The following RAP1GAP variants were observed in gnomAD, a reference collection of about 807,000 sequenced individuals.
The protein encoded by RAP1GAP is RAP1 GTPase activating protein, also known as rap1 GTPase-activating protein 1.
RAP1GAP carries 35 observed loss-of-function variants against 87.2 expected under a neutral mutation model. The observed-to-expected ratio is 0.40, with a 90% confidence interval of 0.31 to 0.53. The LOEUF is 0.53. Ranked by LOEUF, RAP1GAP falls within the 20% of genes least tolerant of loss-of-function variation. The probability of loss-of-function intolerance (pLI) is 0.48; values close to 1 mark genes in which losing one functional copy is unlikely to be tolerated. For missense variants in RAP1GAP, 734 were observed against 898.9 expected (o/e 0.82, Z 2.35); for synonymous variants, 375 against 363.9 (o/e 1.03, Z -0.35).
intron 2 of RAP1GAP, among the ~76,000 whole-genome samples, chr1:21,647,782 G>A (rs151049182): frequency 8.5e-5 from 13 of 152,296 alleles, no homozygotes; most frequent in African/African-American, 2.9e-4. Flanking sequence ...TTCTAAAGAG[G>A]GAATGGGGGT....
rs367660488 is a variant in RAP1GAP, at chr1:21,603,815, G to A, written c.1429-902C>T. 7.5e-6 allele frequency: 12 copies of A among 1,608,420 alleles called. No homozygotes were observed. Among genetic ancestry groups the A allele is most frequent in the Non-Finnish European group, 1.0e-5 (12 of 1,176,044 alleles). On this transcript the variant is annotated intron_variant, in intron 18 of 24. Coordinates refer to ENST00000374765, the MANE Select transcript of RAP1GAP (RefSeq NM_002885.4). The surrounding 1 kb of genome is among the most constrained non-coding windows in gnomAD (Gnocchi z 6.0). The stretch of plus-strand genomic sequence containing the variant: ...CGCGTGCAGGCAGCCTCCAGAGCCG[G>A]CGGCCCCGCGGACGACAACCTCTTC...
rs762569918 is a variant in RAP1GAP, at chr1:21,606,089, C to T, written c.1405G>A (p.Asp469Asn). Reference sequence around the variant, plus strand: ...ACTATTCCAGCCGCCTTGGCCAGGTCGGGGTTGTTGGGCGCGAAGCTCCCG... The same window carrying T: ...ACTATTCCAGCCGCCTTGGCCAGGTTGGGGTTGTTGGGCGCGAAGCTCCCG... ...HSGSFAPNNP[D>N]LAKAAGISLI... The change falls in exon 18 of 25, where the codon GAC (aspartate) becomes AAC (asparagine). Residue 469 changes from aspartate (D) to asparagine (N), a missense_variant. Physicochemically the swap from Asp to Asn is conservative, Grantham distance 23 (BLOSUM62 1). Coordinates refer to ENST00000374765, the MANE Select transcript of RAP1GAP (RefSeq NM_002885.4). The T allele has an allele frequency of 6.9e-6, 11 of 1,586,898 alleles. No individual in the cohort carries two copies. Among genetic ancestry groups the T allele is most frequent in the Admixed American group, 3.6e-5 (2 of 55,578 alleles).
intron 3 of RAP1GAP, among the ~76,000 whole-genome samples, chr1:21,623,199 G>T (rs1479674524): frequency 2.0e-5 from 3 of 152,232 alleles, no homozygotes; most frequent in African/African-American, 7.2e-5. Context: ...CAGGCCCGTG[G>T]TATGGAGGAA....
Position 21,622,190 on chromosome 1 carries a change from G to A in RAP1GAP, c.-18-2140C>T. On this transcript the variant is annotated intron_variant, in intron 3 of 24. Transcript: ENST00000374765. The surrounding 1 kb of genome is among the most constrained non-coding windows in gnomAD (Gnocchi z 5.7). ...ACCCCAGGGTAGGGGTGCGCCCCGT[G>A]GCCAGTGTCAGCCCAGAAGCTCACA... is the stretch of plus-strand genomic sequence containing the variant. 3.2e-6 allele frequency: 1 copy of A among 312,962 alleles called. No homozygotes were observed. The allele number at this position is 312,962 out of a possible 1,614,324, so 19.4% of individuals were successfully genotyped here. A position where few individuals can be genotyped will look rare whatever the true frequency, so the allele number is the denominator to read the frequency against.
chr1:21,648,933 G>A (rs930966455), intron 2 of RAP1GAP, among the ~76,000 whole-genome samples: 1 of 152,148 alleles, frequency 6.6e-6, no homozygotes, highest in Non-Finnish European at 1.5e-5. Context: ...GATGGGAGTC[G>A]CCCAGCAGCT....
chr1:21,606,267 C>G, intron 17 of RAP1GAP, 70 bp from the exon 18 acceptor site: 1 of 1,524,776 alleles, frequency 6.6e-7, no homozygotes, highest in Non-Finnish European at 8.8e-7. Context: ...AACCCAGGAG[C>G]CCAGGCATCT....
chr1:21,657,711 C>T (rs1292422966), intron 1 of RAP1GAP, among the ~76,000 whole-genome samples: 1 of 152,226 alleles, frequency 6.6e-6, no homozygotes, highest in East Asian at 1.9e-4. Context: ...CCTCAGGAAG[C>T]TGGGCTGGCG....
chr1:21,601,742 G>T lies in RAP1GAP; in HGVS notation c.1594C>A (p.Pro532Thr). Residue 532 changes from proline to threonine, a missense_variant, in exon 20 of 25, where the codon CCC becomes ACC. This residue lies in a region of RAP1GAP where 249 missense variants were observed against 252.7 expected (regional missense o/e 0.99). Coordinates refer to ENST00000374765, the MANE Select transcript of RAP1GAP (RefSeq NM_002885.4). ...TPDSGHVSQE[P>T]KSENSSTQSS... ...TGAGTGGATGAGTTCTCCGACTTGGGCTCCTGTGAGACGTGCCCGCTGTCT... is the reference window on the plus strand; with the variant it reads ...TGAGTGGATGAGTTCTCCGACTTGGTCTCCTGTGAGACGTGCCCGCTGTCT... The T allele has an allele frequency of 6.2e-7, 1 of 1,612,032 alleles. No individual in the cohort carries two copies.
chr1:21,601,560 G>C, intron 20 of RAP1GAP, 124 bp downstream of exon 20: 5 of 611,370 alleles, frequency 8.2e-6, no homozygotes, highest in East Asian at 3.0e-5. Context: ...AGAATGCCCA[G>C]GTCCCCCTGA....
At chr1:21,662,926 T>C (rs1408348914) in intron 1 of RAP1GAP, among the ~76,000 whole-genome samples, 1 of 152,176 alleles carries the variant, frequency 6.6e-6, no homozygotes, top group Non-Finnish European at 1.5e-5. Flanking sequence ...CTGCAAGTGC[T>C]CAATGAATGC....
At position 21,608,306 on chromosome 1, in the gene RAP1GAP, T is replaced by A; in HGVS notation, c.1203A>T (p.Leu401=). ...CCATCATGGACTGGCTGTGGATGTG[T>A]AGTTCCTCATAGAGCGTCTCCAGGA... ...AALLETLYEE[L]HIHSQSMMGL... is the part of the protein sequence containing the mutation. The change falls in exon 17 of 25, where the codon CTA becomes CTT. Residue 401 remains leucine, a synonymous_variant. Transcript: ENST00000374765. The A allele has an allele frequency of 6.2e-7, 1 of 1,613,958 alleles. No individual in the cohort carries two copies. The highest frequency in any genetic ancestry group is 8.5e-7 in the Non-Finnish European group (1 of 1,179,958).
chr1:21,619,397 T>G (rs2084993031), intron 4 of RAP1GAP, among the ~76,000 whole-genome samples: 1 of 148,622 alleles, frequency 6.7e-6, no homozygotes. Flanking sequence ...CACAGATATG[T>G]GTTGAGGGAG....
chr1:21,601,941 T>C, intron 19 of RAP1GAP, 144 bp from the exon 20 acceptor site: 1 of 558,456 alleles, frequency 1.8e-6, no homozygotes, highest in Non-Finnish European at 3.1e-6. Context: ...TGGAGCAGTC[T>C]TGTGGGCTCC....
At position 21,622,273 on chromosome 1, in the gene RAP1GAP, TC is replaced by T; in HGVS notation, c.-18-2224del. 1 of 453,614 alleles carries T rather than the reference TC, an allele frequency of 2.2e-6. No homozygotes were observed. Among genetic ancestry groups the T allele is most frequent in the South Asian group, 3.2e-5 (1 of 30,986 alleles). 28.1% of individuals were successfully genotyped at this position (453,614 alleles called of 1,614,324 possible). A position where few individuals can be genotyped will look rare whatever the true frequency, so the allele number is the denominator to read the frequency against. On this transcript the variant is annotated intron_variant, in intron 3 of 24. Coordinates refer to ENST00000374765, the MANE Select transcript of RAP1GAP (RefSeq NM_002885.4). The surrounding 1 kb of genome is among the most constrained non-coding windows in gnomAD (Gnocchi z 5.7). ...CTGGCTGGGGCAGAGCCGGCCGGGC[TC>T]CCCAGCAGTCGGGGTGACCCAGCCC...
At chr1:21,649,405 TA>T (rs1260838661) in intron 2 of RAP1GAP, among the ~76,000 whole-genome samples, 1 of 152,162 alleles carries the variant, frequency 6.6e-6, no homozygotes, top group Non-Finnish European at 1.5e-5. Context: ...AAAAAGGGCC[TA>T]AAATATGCCA....
At chr1:21,662,708 G>A (rs561090417) in intron 1 of RAP1GAP, among the ~76,000 whole-genome samples, 5 of 152,064 alleles carry the variant, frequency 3.3e-5, no homozygotes, top group Non-Finnish European at 5.9e-5. Flanking sequence ...TCTGTATGGC[G>A]CCCTCCCCAA....
chr1:21,606,035 G>A, intron 18 of RAP1GAP, 31 bp downstream of exon 18: 4 of 1,556,464 alleles, frequency 2.6e-6, no homozygotes, highest in Non-Finnish European at 2.6e-6. Context: ...CCAGGGAGGG[G>A]CCGGGGCCTG....
At chr1:21,656,970 T>C (rs2096891293) in intron 1 of RAP1GAP, among the ~76,000 whole-genome samples, 1 of 152,178 alleles carries the variant, frequency 6.6e-6, no homozygotes, top group Non-Finnish European at 1.5e-5. Flanking sequence ...TGGCTGACAC[T>C]GTATTGAGCA....
intron 2 of RAP1GAP, among the ~76,000 whole-genome samples, chr1:21,636,823 AAGAG>A (rs1218780707): frequency 3.3e-5 from 5 of 150,826 alleles, no homozygotes; most frequent in Non-Finnish European, 4.4e-5. Flanking sequence ...GAAAGAAAGA[AAGAG>A]AGAGAAAGGA....
Sources: gnomAD v4.1 joint callset for allele counts (sites outside exome capture counted in the v4.1 genomes callset) on GRCh38, gnomAD v4.1.1 for gene constraint, gnomAD v4.1.1 regional missense constraint, Gnocchi (gnomAD v3.1) non-coding constraint, MANE v1.5 for transcripts, NCBI Gene and HGNC (gene_info 2026-07-23, HGNC 2026-07-21) for gene names.